Variants in ENTREP2 observed in about 807,000 individuals in gnomAD.
ENTREP2 encodes protein ENTREP2.
At chr15:29,531,163 T>C in the ENTREP2 span, among the ~76,000 whole-genome samples, 1 of 152,232 alleles carries the variant, frequency 6.6e-6, no homozygotes, top group Non-Finnish European at 1.5e-5. Flanking sequence ...GGCTCTTGAT[T>C]TCTCCTGACT....
At chr15:29,499,150 A>G in the ENTREP2 span, among the ~76,000 whole-genome samples, 1 of 152,162 alleles carries the variant, frequency 6.6e-6, no homozygotes, top group South Asian at 2.1e-4. Context: ...CAAGGTAATT[A>G]TTGATAAGAA....
At chr15:29,584,714 A>G in the ENTREP2 span, among the ~76,000 whole-genome samples, 1 of 152,168 alleles carries the variant, frequency 6.6e-6, no homozygotes, top group Non-Finnish European at 1.5e-5. Flanking sequence ...TTTCACTTAT[A>G]AGATGAGTAA....
the ENTREP2 span, among the ~76,000 whole-genome samples, chr15:29,314,578 G>A: frequency 1.3e-5 from 2 of 152,102 alleles, no homozygotes; most frequent in Admixed American, 6.5e-5. Context: ...ACACTTAATA[G>A]GCAACAGTAT....
At chr15:29,260,921 G>C in the ENTREP2 span, among the ~76,000 whole-genome samples, 1 of 152,138 alleles carries the variant, frequency 6.6e-6, no homozygotes, top group African/African-American at 2.4e-5. Flanking sequence ...AGGAGATAAT[G>C]ATGCTAAACC....
At chr15:29,576,722 C>T in the ENTREP2 span, among the ~76,000 whole-genome samples, 1 of 152,230 alleles carries the variant, frequency 6.6e-6, no homozygotes, top group Non-Finnish European at 1.5e-5. Flanking sequence ...TGAAAAGATG[C>T]TCATCACTCA....
chr15:29,267,550 C>A, the ENTREP2 span: 1 of 152,188 alleles, frequency 6.6e-6, no homozygotes, highest in Non-Finnish European at 1.5e-5. Flanking sequence ...AAGACCCATA[C>A]CCTTTTCCCT....
At chr15:29,648,947 A>C in the ENTREP2 span, among the ~76,000 whole-genome samples, 1 of 151,298 alleles carries the variant, frequency 6.6e-6, no homozygotes, top group Non-Finnish European at 1.5e-5. Context: ...AAAAAAAAAA[A>C]CAACAACAAA....
the ENTREP2 span, among the ~76,000 whole-genome samples, chr15:29,507,936 A>G: frequency 6.6e-6 from 1 of 152,074 alleles, no homozygotes; most frequent in Non-Finnish European, 1.5e-5. Flanking sequence ...GACATGAAAA[A>G]CCCTTCAAAA....
At chr15:29,383,520 G>T in the ENTREP2 span, among the ~76,000 whole-genome samples, 1 of 152,178 alleles carries the variant, frequency 6.6e-6, no homozygotes, top group Non-Finnish European at 1.5e-5. Context: ...AATTGCTCAC[G>T]CTTGCCACTG....
the ENTREP2 span, among the ~76,000 whole-genome samples, chr15:29,263,061 C>CA: frequency 6.6e-6 from 1 of 152,076 alleles, no homozygotes; most frequent in African/African-American, 2.4e-5. Context: ...ATTTTTAAAT[C>CA]AAAGGACAAT....
the ENTREP2 span, among the ~76,000 whole-genome samples, chr15:29,552,791 T>G: frequency 0.033 from 5,000 of 152,188 alleles, 242 homozygotes; most frequent in African/African-American, 0.11. Context: ...AAGTTGACTG[T>G]TTGCAGAATT....
the ENTREP2 span, among the ~76,000 whole-genome samples, chr15:29,482,132 G>A: frequency 6.6e-6 from 1 of 151,232 alleles, no homozygotes; most frequent in African/African-American, 2.4e-5. Context: ...CAAGTAGCTG[G>A]GATTACAGGT....
At chr15:29,614,288 CGCA>C in the ENTREP2 span, 1 of 152,820 alleles carries the variant, frequency 6.5e-6, no homozygotes, top group African/African-American at 2.4e-5. Context: ...AGGACGCCGC[CGCA>C]GAAGAGGGAG....
the ENTREP2 span, among the ~76,000 whole-genome samples, chr15:29,659,955 C>G: frequency 6.6e-6 from 1 of 152,030 alleles, no homozygotes; most frequent in Non-Finnish European, 1.5e-5. Context: ...TGCACCACCA[C>G]ACCTGGCTAA....
the ENTREP2 span, among the ~76,000 whole-genome samples, chr15:29,624,375 TTCA>T: frequency 6.6e-6 from 1 of 152,206 alleles, no homozygotes; most frequent in Non-Finnish European, 1.5e-5. Context: ...CTAGAAAATG[TTCA>T]TCTAGCTCGG....
chr15:29,162,392 G>T, the ENTREP2 span, among the ~76,000 whole-genome samples: 1 of 152,160 alleles, frequency 6.6e-6, no homozygotes, highest in Admixed American at 6.5e-5. Flanking sequence ...TTTGCAGCTG[G>T]GAGGTGGGTA....
chr15:29,475,440 G>C, the ENTREP2 span, among the ~76,000 whole-genome samples: 1 of 152,152 alleles, frequency 6.6e-6, no homozygotes, highest in Non-Finnish European at 1.5e-5. Context: ...CCCAACCTCA[G>C]AGCAGGATCT....
the ENTREP2 span, among the ~76,000 whole-genome samples, chr15:29,126,985 C>T: frequency 1.3e-5 from 2 of 152,178 alleles, no homozygotes; most frequent in Admixed American, 6.5e-5. Flanking sequence ...GTGGACGCCA[C>T]GCCAGCAGCA....
the ENTREP2 span, among the ~76,000 whole-genome samples, chr15:29,470,182 G>A: frequency 6.6e-6 from 1 of 152,150 alleles, no homozygotes; most frequent in Non-Finnish European, 1.5e-5. Flanking sequence ...GTGTGAACAC[G>A]GGCAGGATCC....
Sources: allele counts gnomAD v4.1 joint callset (sites outside exome capture counted in the v4.1 genomes callset), GRCh38; gene constraint gnomAD v4.1.1; transcripts MANE v1.5; gene names NCBI Gene and HGNC (gene_info 2026-07-23, HGNC 2026-07-21).